Variants in ARHGEF3 observed in about 807,000 individuals in gnomAD.
The protein encoded by ARHGEF3 is Rho guanine nucleotide exchange factor 3, also known as 59.8 kDA protein.
Under a neutral mutation model 63.2 loss-of-function variants are expected in ARHGEF3, and 28 were observed. The observed-to-expected ratio is 0.44, with a 90% CI of 0.33 to 0.61. The LOEUF is 0.61. ARHGEF3 is among the 20% of genes least tolerant of loss of function. The pLI, the probability that ARHGEF3 is intolerant of heterozygous loss-of-function variation, is 0.03. For synonymous variants in ARHGEF3, 266 were observed against 254.2 expected (o/e 1.05, Z -0.44); for missense variants, 533 against 659.3 (o/e 0.81, Z 2.10).
rs377224126 is a variant in ARHGEF3, at chr3:56,745,414, C to A, written c.661G>T (p.Ala221Ser). 1 of 1,613,690 alleles carries A rather than the reference C, an allele frequency of 6.2e-7. No homozygotes were observed. Among genetic ancestry groups the A allele is most frequent in the Non-Finnish European group, 8.5e-7 (1 of 1,179,994 alleles). The change falls in exon 7 of 10, where the codon GCC becomes TCC. Residue 221 changes from alanine to serine, a missense_variant. Transcript: ENST00000296315. Reference protein sequence around the residue: ...YDSYCSNQVAAKALLDHKKQD... With the variant: ...YDSYCSNQVASKALLDHKKQD... ...TTTTTGTGGTCCAGCAGAGCTTTGG[C>A]GGCTACTTGATTGCTGCAGTAGCTA...
At chr3:56,816,652 T>C (rs1303440892) in intron 4 of ARHGEF3, among the ~76,000 whole-genome samples, 1 of 152,206 alleles carries the variant, frequency 6.6e-6, no homozygotes, top group Non-Finnish European at 1.5e-5. Flanking sequence ...GTATCTCAAG[T>C]AATCCTTACA....
rs1418792429 is a variant in ARHGEF3, at chr3:56,776,301, G to T, written c.97-2485C>A. ...GAGTGCAGTGCTGCTACGTGAGATT[G>T]TAATTAAAACTGATTTCCTAAGGCA... On this transcript the variant is annotated intron_variant, in intron 1 of 9. Coordinates refer to ENST00000296315, the MANE Select transcript of ARHGEF3 (RefSeq NM_019555.3). 2.0e-5 allele frequency among the ~76,000 whole-genome samples: 3 copies of T among 152,330 alleles called. 1 individual carries two copies. The Middle Eastern group carries it at 0.01, about 518-fold the overall frequency.
intron 4 of ARHGEF3, among the ~76,000 whole-genome samples, chr3:56,847,637 G>T (rs1351115467): frequency 6.6e-6 from 1 of 152,162 alleles, no homozygotes; most frequent in South Asian, 2.1e-4. Flanking sequence ...GAGTGCAGTG[G>T]CGTGGTCTCG....
intron 4 of ARHGEF3, among the ~76,000 whole-genome samples, chr3:56,869,767 T>G (rs529528830): frequency 1.3e-3 from 205 of 152,304 alleles, no homozygotes; most frequent in African/African-American, 4.7e-3. Flanking sequence ...CTAACCAGTA[T>G]TATTTACATA....
At chr3:56,993,070 G>A (rs1030419411) in intron 2 of ARHGEF3, among the ~76,000 whole-genome samples, 5 of 152,158 alleles carry the variant, frequency 3.3e-5, no homozygotes, top group Non-Finnish European at 7.3e-5. Flanking sequence ...CCTGACTTCA[G>A]GCGATCTGTC....
chr3:57,000,947 A>ATT (rs112328990), intron 2 of ARHGEF3, among the ~76,000 whole-genome samples: 2 of 150,672 alleles, frequency 1.3e-5, no homozygotes, highest in African/African-American at 4.9e-5. Context: ...TTATTTTTTA[A>ATT]TTTTTTTTTA....
chr3:56,820,367 G>T (rs1267326082), intron 4 of ARHGEF3, among the ~76,000 whole-genome samples: 1 of 152,104 alleles, frequency 6.6e-6, no homozygotes, highest in Middle Eastern at 3.2e-3. Flanking sequence ...CGGGGATAGA[G>T]GAAAACATTA....
At chr3:57,020,402 C>G (rs1435485903) in intron 2 of ARHGEF3, among the ~76,000 whole-genome samples, 1 of 152,152 alleles carries the variant, frequency 6.6e-6, no homozygotes, top group Non-Finnish European at 1.5e-5. Context: ...ATCCAATTCC[C>G]TGTGTGTGGG....
At chr3:56,884,387 T>C (rs1661649235) in intron 3 of ARHGEF3, among the ~76,000 whole-genome samples, 1 of 152,140 alleles carries the variant, frequency 6.6e-6, no homozygotes, top group Admixed American at 6.5e-5. Flanking sequence ...ATGGGGAAGA[T>C]ATTGGGGCTC....
intron 2 of ARHGEF3, among the ~76,000 whole-genome samples, chr3:56,985,666 G>C (rs1162435129): frequency 1.3e-5 from 2 of 152,172 alleles, no homozygotes; most frequent in Non-Finnish European, 2.9e-5. Flanking sequence ...GCAGTGCACG[G>C]GTCCCTGGGA....
intron 2 of ARHGEF3, among the ~76,000 whole-genome samples, chr3:56,963,070 A>C (rs1056469344): frequency 6.6e-6 from 1 of 151,872 alleles, no homozygotes; most frequent in African/African-American, 2.4e-5. Flanking sequence ...TTGGGGTTCT[A>C]ATAGTGGCTC....
chr3:56,737,846 A>G (rs2033732619), intron 7 of ARHGEF3, among the ~76,000 whole-genome samples: 1 of 152,098 alleles, frequency 6.6e-6, no homozygotes, highest in African/African-American at 2.4e-5. Context: ...ATATTTGCAG[A>G]TTGGGTTTGA....
chr3:56,924,732 G>A (rs188115260), intron 3 of ARHGEF3, among the ~76,000 whole-genome samples: 212 of 152,246 alleles, frequency 1.4e-3, no homozygotes, highest in African/African-American at 4.5e-3. Context: ...GGTTTTGGTG[G>A]GATTTAGCCA....
intron 4 of ARHGEF3, among the ~76,000 whole-genome samples, chr3:56,822,849 GA>G (rs35895519): frequency 0.11 from 14,518 of 131,868 alleles, 879 homozygotes; most frequent in Admixed American, 0.23. Context: ...GTAAGACTCT[GA>G]AAAAAAAAAA....
At chr3:56,738,985 C>T (rs559825595) in intron 7 of ARHGEF3, among the ~76,000 whole-genome samples, 8 of 152,108 alleles carry the variant, frequency 5.3e-5, no homozygotes, top group East Asian at 1.9e-4. Flanking sequence ...ATTCCAGCTG[C>T]TTGGGAGGCT....
chr3:56,742,501 AT>A (rs968098387), intron 7 of ARHGEF3, among the ~76,000 whole-genome samples: 1 of 152,012 alleles, frequency 6.6e-6, no homozygotes, highest in Non-Finnish European at 1.5e-5. Context: ...GCGCTCTCTG[AT>A]TTTTCCCTTT....
intron 4 of ARHGEF3, among the ~76,000 whole-genome samples, chr3:56,828,748 G>C (rs2038824409): frequency 6.6e-6 from 1 of 152,120 alleles, no homozygotes; most frequent in Non-Finnish European, 1.5e-5. Context: ...GTGGGAGCCT[G>C]TTTCTCAGTG....
intron 1 of ARHGEF3, among the ~76,000 whole-genome samples, chr3:56,799,406 G>T (rs560063830): frequency 3.9e-5 from 6 of 152,212 alleles, no homozygotes; most frequent in African/African-American, 1.4e-4. Context: ...AACGGCCTTT[G>T]AAGGTCAACA....
chr3:56,741,693 C>T (rs1377752297), intron 7 of ARHGEF3, among the ~76,000 whole-genome samples: 5 of 150,606 alleles, frequency 3.3e-5, no homozygotes, highest in Admixed American at 2.6e-4. Context: ...TTAGTAGAGA[C>T]GGGGTTTCAC....
Sources: allele counts gnomAD v4.1 joint callset (sites outside exome capture counted in the v4.1 genomes callset), GRCh38; gene constraint gnomAD v4.1.1; transcripts MANE v1.5; gene names NCBI Gene and HGNC (gene_info 2026-07-23, HGNC 2026-07-21).